Variants in KIF21B observed in about 807,000 individuals in gnomAD.
The protein encoded by KIF21B is kinesin-like protein KIF21B.
Under a neutral mutation model 192.9 loss-of-function variants are expected in KIF21B, and 85 were observed. The ratio of observed to expected loss-of-function variants is 0.44; its 90% CI spans 0.37 to 0.53. KIF21B has a LOEUF of 0.53. Ranked by LOEUF, KIF21B falls within the 20% of genes least tolerant of loss-of-function variation. KIF21B has a pLI of 0.00. For synonymous variants in KIF21B, 832 were observed against 884.6 expected (o/e 0.94, Z 1.05); for missense variants, 1,716 against 2,194.8 (o/e 0.78, Z 4.36).
chr1:201,004,643 G>C (rs1219394065), intron 6 of KIF21B, 123 bp downstream of exon 6: 3 of 1,302,682 alleles, frequency 2.3e-6, no homozygotes, highest in Non-Finnish European at 3.3e-6. Flanking sequence ...TGACGCCTGA[G>C]AGTGAAGGGC....
chr1:200,976,700 A>T, intron 32 of KIF21B, 76 bp downstream of exon 32: 1 of 858,856 alleles, frequency 1.2e-6, no homozygotes, highest in Admixed American at 2.5e-5. Context: ...TTTCATGGGT[A>T]CTCCCAGGGC....
Position 201,008,968 on chromosome 1 carries a change from A to G in KIF21B, c.265-17T>C, listed in dbSNP as rs1166170938. ...GGCCCCCGTCTGCATTGGCAAAGATAGGAGGGTGTAACCCTGCACCCTTTG... is the reference window on the plus strand; with the variant it reads ...GGCCCCCGTCTGCATTGGCAAAGATGGGAGGGTGTAACCCTGCACCCTTTG... On this transcript the variant is annotated splice_polypyrimidine_tract_variant and intron_variant, in intron 2 of 34. Transcript: ENST00000461742. 1 of 1,600,396 alleles carries G rather than the reference A, an allele frequency of 6.2e-7. No homozygotes were observed. The highest frequency in any genetic ancestry group is 8.5e-7 in the Non-Finnish European group (1 of 1,176,226).
At position 201,023,255 on chromosome 1, in the gene KIF21B, A is replaced by G; in HGVS notation, c.41+88T>C. The G allele has an allele frequency of 1.7e-6, 2 of 1,200,046 alleles. No homozygotes were observed. The highest frequency in any genetic ancestry group is 1.5e-5 in the South Asian group (1 of 64,656). 74.3% of individuals were successfully genotyped at this position (1,200,046 alleles called of 1,614,324 possible). A position where few individuals can be genotyped will look rare whatever the true frequency, so the allele number is the denominator to read the frequency against. On this transcript the variant is annotated intron_variant, in intron 1 of 34. Transcript: ENST00000461742. This position sits in a 1 kb window ranked among gnomAD's most constrained non-coding sequence, Gnocchi z 5.9. The stretch of plus-strand genomic sequence containing the variant: ...CTCCGGGAGTGCAGGCTCCAGCCCA[A>G]GCGGTGCTCGCGCCCCCCGCCCAAA...
chr1:201,014,977 CAATT>C (rs1658422764), intron 1 of KIF21B, among the ~76,000 whole-genome samples: 1 of 152,190 alleles, frequency 6.6e-6, no homozygotes, highest in Non-Finnish European at 1.5e-5. Context: ...TAAACTTCCT[CAATT>C]AGTCACCACC....
chr1:200,990,528 G>C lies in KIF21B; in HGVS notation c.2835+48C>G, dbSNP rs761298540. The C allele has an allele frequency of 3.1e-6, 5 of 1,598,996 alleles. No individual in the cohort carries two copies. The highest frequency in any genetic ancestry group is 4.3e-6 in the Non-Finnish European group (5 of 1,170,866). The stretch of plus-strand genomic sequence containing the variant: ...AGCCAGAGAAGTTGGAGGTGTCAGA[G>C]GACAGGCAGAGGGGTGGAATGGAAG... On this transcript the variant is annotated intron_variant, in intron 19 of 34. Transcript: ENST00000461742. The surrounding 1 kb of genome is among the most constrained non-coding windows in gnomAD (Gnocchi z 5.4).
intron 1 of KIF21B, among the ~76,000 whole-genome samples, chr1:201,022,887 T>TG (rs1658928381): frequency 2.6e-5 from 4 of 152,192 alleles, no homozygotes. Flanking sequence ...CAGATCTGGC[T>TG]CCCAGGGTGG....
chr1:200,974,992 A>G (rs1655450493), intron 33 of KIF21B, 79 bp from the exon 34 acceptor site: 1 of 1,435,310 alleles, frequency 7.0e-7, no homozygotes, highest in Admixed American at 1.7e-5. Flanking sequence ...TCTTGCTAGT[A>G]GTGGAGCTAC....
chr1:201,007,699 C>T (rs1657986551), intron 3 of KIF21B, among the ~76,000 whole-genome samples: 1 of 150,746 alleles, frequency 6.6e-6, no homozygotes, highest in Non-Finnish European at 1.5e-5. Context: ...CACACACAGA[C>T]AGATGCGCAC....
intron 24 of KIF21B, 84 bp downstream of exon 24, chr1:200,988,211 TG>T: frequency 7.7e-7 from 1 of 1,297,278 alleles, no homozygotes; most frequent in Non-Finnish European, 1.1e-6. Flanking sequence ...TGGCTGAGGG[TG>T]GAGCAGAGCC....
chr1:200,991,538 A>G, intron 17 of KIF21B, 119 bp downstream of exon 17: 1 of 1,036,856 alleles, frequency 9.6e-7, no homozygotes, highest in Non-Finnish European at 1.5e-6. Flanking sequence ...ACTGGGAAAT[A>G]CCGCCTTTAT....
At position 200,989,817 on chromosome 1, in the gene KIF21B, C is replaced by T. The variant is rs1656559183; in HGVS notation, c.3132+125G>A. On this transcript the variant is annotated intron_variant, in intron 21 of 34. Transcript: ENST00000461742. ...TGGCATGGGAGGTGCAGAGGTTAGG[C>T]GGCTTGTCCTAGCCTGTGAGTGACG... is the stretch of plus-strand genomic sequence containing the variant. 13 of 689,106 alleles carry T rather than the reference C, an allele frequency of 1.9e-5. No homozygotes were observed. In the South Asian group the frequency reaches 2.0e-4, roughly 10 times the overall value. 42.7% of individuals were successfully genotyped at this position (689,106 alleles called of 1,614,324 possible). A position where few individuals can be genotyped will look rare whatever the true frequency, so the allele number is the denominator to read the frequency against.
chr1:200,991,734 G>C lies in KIF21B; in HGVS notation c.2386-9C>G. The C allele has an allele frequency of 6.2e-7, 1 of 1,613,924 alleles. No homozygotes were observed. The highest frequency in any genetic ancestry group is 1.3e-5 in the African/African-American group (1 of 75,074). ...AGAGCTCGGATCTGAAACTGTGGGA[G>C]ACAGAAGAGGGCTGGGCTCCACACT... is the stretch of plus-strand genomic sequence containing the variant. On this transcript the variant is annotated splice_polypyrimidine_tract_variant and intron_variant, in intron 16 of 34. Transcript: ENST00000461742.
rs780595591 is a variant in KIF21B, at chr1:200,999,318, C to T, written c.1885+31G>A. On this transcript the variant is annotated intron_variant, in intron 13 of 34. Coordinates refer to ENST00000461742, the MANE Select transcript of KIF21B (RefSeq NM_001252102.2). The surrounding 1 kb of genome is among the most constrained non-coding windows in gnomAD (Gnocchi z 4.7). ...GGGCACTGGCAGCCAGGCATTGCAT[C>T]CCCCACAGCCCACAGCTCAGGCCCA... The T allele has an allele frequency of 6.8e-6, 11 of 1,613,756 alleles. No homozygotes were observed. The East Asian group carries it at 2.5e-4, about 36-fold the overall frequency.
At position 200,983,197 on chromosome 1, in the gene KIF21B, T is replaced by C. The variant is rs1656060060; in HGVS notation, c.3804-103A>G. 3.1e-6 allele frequency: 3 copies of C among 971,340 alleles called. No homozygotes were observed. The East Asian group carries it at 7.8e-5, about 25-fold the overall frequency. 60.2% of individuals were successfully genotyped at this position (971,340 alleles called of 1,614,324 possible). A position where few individuals can be genotyped will look rare whatever the true frequency, so the allele number is the denominator to read the frequency against. On this transcript the variant is annotated intron_variant, in intron 27 of 34. Coordinates refer to ENST00000461742, the MANE Select transcript of KIF21B (RefSeq NM_001252102.2). Reference sequence around the variant, plus strand: ...TGTGGGGTGGTCAGAGGGCAGGTTATTCTCTTCCAGCGGAGCAGAGACAGG... The same window carrying C: ...TGTGGGGTGGTCAGAGGGCAGGTTACTCTCTTCCAGCGGAGCAGAGACAGG...
At chr1:200,994,435 T>A (rs1002042049) in intron 15 of KIF21B, among the ~76,000 whole-genome samples, 2 of 152,170 alleles carry the variant, frequency 1.3e-5, no homozygotes, top group African/African-American at 4.8e-5. Flanking sequence ...ACAGAAAACC[T>A]AGGCCCCTCC....
At chr1:201,007,398 ACGCAGACACC>A (rs1657942585) in intron 3 of KIF21B, among the ~76,000 whole-genome samples, 1 of 141,624 alleles carries the variant, frequency 7.1e-6, no homozygotes, top group Admixed American at 6.9e-5. Context: ...AGACACACAC[ACGCAGACACC>A]CACACACACA....
chr1:200,982,942 G>C lies in KIF21B; in HGVS notation c.3842+114C>G. On this transcript the variant is annotated intron_variant, in intron 28 of 34. Transcript: ENST00000461742. The surrounding 1 kb of genome is among the most constrained non-coding windows in gnomAD (Gnocchi z 4.7). ...GGGGCAGCAGGAAGGGGAGTGGAGG[G>C]GCCGCATGCTGAGGACACGGGTGTC... The C allele has an allele frequency of 1.1e-6, 1 of 899,290 alleles. No homozygotes were observed. The highest frequency in any genetic ancestry group is 1.8e-6 in the Non-Finnish European group (1 of 567,934). 55.7% of individuals were successfully genotyped at this position (899,290 alleles called of 1,614,324 possible).
At position 201,000,417 on chromosome 1, in the gene KIF21B, T is replaced by A; in HGVS notation, c.1658A>T (p.Lys553Met). Residue 553 changes from lysine (K) to methionine (M), a missense_variant, in exon 11 of 35, where the codon AAG (lysine) becomes ATG (methionine). Lys to Met is a moderately conservative substitution (Grantham distance 95). Coordinates refer to ENST00000461742, the MANE Select transcript of KIF21B (RefSeq NM_001252102.2). The surrounding 1 kb of genome is among the most constrained non-coding windows in gnomAD (Gnocchi z 6.0). ...RAKQDLERLK[K>M]KEVRQRRKSP... ...CTTCCTCCGCTGCCTGACCTCCTTC[T>A]TCTTTAGCCGCTCCAGGTCCTGCTT... 1 of 1,561,620 alleles carries A rather than the reference T, an allele frequency of 6.4e-7. No homozygotes were observed. The highest frequency in any genetic ancestry group is 8.6e-7 in the Non-Finnish European group (1 of 1,159,220).
chr1:200,991,769 T>C (rs1656717921), intron 16 of KIF21B, 44 bp from the exon 17 acceptor site: 1 of 1,596,632 alleles, frequency 6.3e-7, no homozygotes, highest in African/African-American at 1.3e-5. Flanking sequence ...TCAGGCACCT[T>C]AGCCCTCTCT....
Sources: allele counts gnomAD v4.1 joint callset (sites outside exome capture counted in the v4.1 genomes callset), GRCh38; gene constraint gnomAD v4.1.1; non-coding constraint Gnocchi (gnomAD v3.1); transcripts MANE v1.5; gene names NCBI Gene and HGNC (gene_info 2026-07-23, HGNC 2026-07-21).